IFRD2: variants seen among roughly 807,000 people sequenced by gnomAD.
The protein encoded by IFRD2 is interferon-related developmental regulator 2.
A neutral mutation model predicts 49.2 loss-of-function variants in IFRD2; 35 were observed. The ratio of observed to expected loss-of-function variants is 0.71; its 90% CI spans 0.54 to 0.94. The LOEUF (loss-of-function observed/expected upper bound fraction) is 0.94. IFRD2 is among the 40% of genes least tolerant of loss of function. The probability of loss-of-function intolerance (pLI) is 0.00; values close to 1 mark genes in which losing one functional copy is unlikely to be tolerated. For missense variants in IFRD2, 561 were observed against 591.6 expected (o/e 0.95, Z 0.54); for synonymous variants, 275 against 239.7 (o/e 1.15, Z -1.36).
At position 50,288,072 on chromosome 3, in the gene IFRD2, T is replaced by C; in HGVS notation, c.*119A>G. On this transcript the variant is annotated 3_prime_UTR_variant, in exon 12 of 12. Coordinates refer to ENST00000417626, the MANE Select transcript of IFRD2 (RefSeq NM_006764.5). ...CAGCTACCCACCCCATGTCTGTTTT[T>C]GGTTTTGTCATTAAAAAAAATAAAG... 2.1e-6 allele frequency: 2 copies of C among 944,216 alleles called. No individual in the cohort carries two copies. The highest frequency in any genetic ancestry group is 3.3e-6 in the Non-Finnish European group (2 of 609,674). The allele number at this position is 944,216 out of a possible 1,614,324, so 58.5% of individuals were successfully genotyped here.
chr3:50,290,593 T>C lies in IFRD2; in HGVS notation c.145A>G (p.Ser49Gly). 6.2e-7 allele frequency: 1 copy of C among 1,613,928 alleles called. No individual in the cohort carries two copies. Among genetic ancestry groups the C allele is most frequent in the Non-Finnish European group, 8.5e-7 (1 of 1,179,874 alleles). The change falls in exon 2 of 12, where the codon AGC becomes GGC. Residue 49 changes from serine to glycine, a missense_variant. Physicochemically the swap from Ser to Gly is moderately conservative, Grantham distance 56. Coordinates refer to ENST00000417626, the MANE Select transcript of IFRD2 (RefSeq NM_006764.5). ...TCCTCTGCAGTGGTGCTGAGAAGGC[T>C]GGGGCATTCACTGGCGGTGCTGCGG... ...EARSTASECP[S>G]LLSTTAEDSL... is the part of the protein sequence containing the mutation.
chr3:50,289,989 C>T lies in IFRD2; in HGVS notation c.486G>A (p.Leu162=). The T allele has an allele frequency of 1.9e-6, 3 of 1,612,858 alleles. No homozygotes were observed. The highest frequency in any genetic ancestry group is 2.5e-6 in the Non-Finnish European group (3 of 1,179,528). ...TGAGCACAGAGACCAGCAGAGGCTGCAGGCTGTGAAACAGCTCCTCACCCT... is the reference window on the plus strand; with the variant it reads ...TGAGCACAGAGACCAGCAGAGGCTGTAGGCTGTGAAACAGCTCCTCACCCT... ...GPKGEELFHS[L]QPLLVSVLSD... is the part of the protein sequence containing the mutation. Residue 162 remains leucine, a synonymous_variant, in exon 5 of 12, where the codon CTG becomes CTA. Coordinates refer to ENST00000417626, the MANE Select transcript of IFRD2 (RefSeq NM_006764.5).
Position 50,288,410 on chromosome 3 carries a change from T to C in IFRD2, c.1247A>G (p.Lys416Arg). The change falls in exon 11 of 12, where the codon AAG becomes AGG. Residue 416 changes from lysine (K) to arginine (R), a missense_variant and splice_region_variant. Coordinates refer to ENST00000417626, the MANE Select transcript of IFRD2 (RefSeq NM_006764.5). ...AGAAAGGTGCCCAAGGGTGCAAACC[T>C]TCTCAAAGCGTGGAACCTTGCAGGC... is the stretch of plus-strand genomic sequence containing the variant. The part of the protein sequence containing the change: ...LKACKVPRFE[K>R]HLYNAAAFKA... 1 of 1,612,340 alleles carries C rather than the reference T, an allele frequency of 6.2e-7. No individual in the cohort carries two copies. Among genetic ancestry groups the C allele is most frequent in the Non-Finnish European group, 8.5e-7 (1 of 1,179,134 alleles).
chr3:50,288,844 G>A lies in IFRD2; in HGVS notation c.979C>T (p.Arg327Trp), dbSNP rs781872999. 38 of 1,613,328 alleles carry A rather than the reference G, an allele frequency of 2.4e-5. No homozygotes were observed. Among genetic ancestry groups the A allele is most frequent in the Admixed American group, 8.3e-5 (5 of 59,908 alleles). ...GCGCGGAAAGTAGAGCGCTGGCGCC[G>A]ACGATCAGCCTTGGCACGGTACTTG... ...SNKYRAKADR[R>W]RQRSTFRAVL... The change falls in exon 9 of 12, where the codon CGG becomes TGG. Residue 327 changes from arginine (R) to tryptophan (W), a missense_variant. Transcript: ENST00000417626.
chr3:50,289,404 TC>T, intron 7 of IFRD2, 42 bp downstream of exon 7: 1 of 1,568,992 alleles, frequency 6.4e-7, no homozygotes, highest in Non-Finnish European at 8.6e-7. Context: ...CTTGGGGGCC[TC>T]TTTGAGATCC....
chr3:50,290,805 CA>C, intron 1 of IFRD2, 126 bp from the exon 2 acceptor site: 1 of 1,287,508 alleles, frequency 7.8e-7, no homozygotes, highest in Non-Finnish European at 1.1e-6. Flanking sequence ...AAACCAAAGC[CA>C]AGGGTCAGTT....
In IFRD2 at chr3:50,288,207, C is replaced by T. The variant is rs2229648; in HGVS notation, c.1313G>A (p.Arg438Gln). Reference protein sequence around the residue: ...TKARSRVRDKRADIL With the variant: ...TKARSRVRDKQADIL ...GGTCCTGCTTCACAGGATGTCTGCC[C>T]GCTTGTCCCGCACACGGCTTCGAGC... Residue 438 changes from arginine (R) to glutamine (Q), a missense_variant, in exon 12 of 12, where the codon CGG becomes CAG. Arg to Gln is a conservative substitution (Grantham distance 43). Coordinates refer to ENST00000417626, the MANE Select transcript of IFRD2 (RefSeq NM_006764.5). 3.9e-3 allele frequency: 6,218 copies of T among 1,613,712 alleles called. 234 individuals carry two copies. The African/African-American group carries it at 0.074, about 19-fold the overall frequency.
intron 8 of IFRD2, 87 bp downstream of exon 8, chr3:50,289,168 C>G: frequency 7.9e-7 from 1 of 1,272,558 alleles, no homozygotes; most frequent in Non-Finnish European, 1.1e-6. Context: ...TGACCTAAAG[C>G]TGTTCTGTTT....
chr3:50,290,602 CA>C lies in IFRD2; in HGVS notation c.135del (p.Ser45ArgfsTer33). 6.2e-7 allele frequency: 1 copy of C among 1,614,034 alleles called. No homozygotes were observed. Among genetic ancestry groups the C allele is most frequent in the Non-Finnish European group, 8.5e-7 (1 of 1,179,902 alleles). ...GTGGTGCTGAGAAGGCTGGGGCATT[CA>C]CTGGCGGTGCTGCGGGCCTCACTGG... ...EAASEARSTASECPSLLSTTA... is the reference protein window; with the variant it reads ...EAASEARSTAXECPSLLSTTA... On this transcript the variant is annotated frameshift_variant, in exon 2 of 12. Transcript: ENST00000417626. LOFTEE classifies it high-confidence loss of function.
chr3:50,292,314 G>A lies in IFRD2; in HGVS notation c.-40C>T, dbSNP rs782777552. ...GCGGGGGGCGCGGGGTCAGGGACCCGGTGGGTGTGGGCTCCAGGCCAACGA... is the reference window on the plus strand; with the variant it reads ...GCGGGGGGCGCGGGGTCAGGGACCCAGTGGGTGTGGGCTCCAGGCCAACGA... On this transcript the variant is annotated 5_prime_UTR_variant, in exon 1 of 12. Coordinates refer to ENST00000417626, the MANE Select transcript of IFRD2 (RefSeq NM_006764.5). 17 of 1,564,920 alleles carry A rather than the reference G, an allele frequency of 1.1e-5. No individual in the cohort carries two copies. The Admixed American group carries it at 1.1e-4, about 10-fold the overall frequency.
At position 50,290,031 on chromosome 3, in the gene IFRD2, C is replaced by A; in HGVS notation, c.444G>T (p.Gln148His). The change falls in exon 5 of 12, where the codon CAG becomes CAT. Residue 148 changes from glutamine (Q) to histidine (H), a missense_variant. Gln to His is a conservative substitution (Grantham distance 24, BLOSUM62 0). Transcript: ENST00000417626. ...CCTCACCCTTAGGTCCAGGGCCCAG[C>A]TGCACGCAGAGCAGGCCTAGCACAG... ...AAAVLGLLCVQLGPGPKGEEL... is the reference protein window; with the variant it reads ...AAAVLGLLCVHLGPGPKGEEL... The A allele has an allele frequency of 6.2e-7, 1 of 1,613,594 alleles. No individual in the cohort carries two copies. Among genetic ancestry groups the A allele is most frequent in the Non-Finnish European group, 8.5e-7 (1 of 1,179,764 alleles).
rs1575492651 is a variant in IFRD2 at position 50,292,261 on chromosome 3, C to T, written c.14G>A (p.Arg5His). ...ACCCTTCCGGAGCGTGTTGCCCTTA[C>T]GGGCGCGAGGCATGCCGGGAACCGG... is the stretch of plus-strand genomic sequence containing the variant. MPRA[R>H]KGNTLRKGGQ... is the part of the protein sequence containing the mutation. Residue 5 changes from arginine (R) to histidine (H), a missense_variant, in exon 1 of 12, where the codon CGT (arginine) becomes CAT (histidine). Physicochemically the swap from Arg to His is conservative, Grantham distance 29. Transcript: ENST00000417626. 2 of 1,536,116 alleles carry T rather than the reference C, an allele frequency of 1.3e-6. No individual in the cohort carries two copies. The highest frequency in any genetic ancestry group is 1.7e-6 in the Non-Finnish European group (2 of 1,145,450).
At chr3:50,291,892 A>C in intron 1 of IFRD2, 1 of 345,104 alleles carries the variant, frequency 2.9e-6, no homozygotes. Context: ...CAGTCCAGGA[A>C]AGGATCAGGG....
chr3:50,292,086 G>T, intron 1 of IFRD2, 131 bp downstream of exon 1: 1 of 999,274 alleles, frequency 1.0e-6, no homozygotes, highest in Non-Finnish European at 1.4e-6. Flanking sequence ...AGCCTCGGTA[G>T]AGTTATGGGA....
rs1701590868 is a variant in IFRD2, at chr3:50,288,094, AAAGT to A, written c.*93_*96del. 39 of 1,143,102 alleles carry A rather than the reference AAAGT, an allele frequency of 3.4e-5. No homozygotes were observed. The highest frequency in any genetic ancestry group is 4.9e-5 in the Non-Finnish European group (38 of 782,796). 70.8% of individuals were successfully genotyped at this position (1,143,102 alleles called of 1,614,324 possible). ...TTTTGGTTTTGTCATTAAAAAAAAT[AAAGT>A]GACAAATACTGGTGGAGACCAGTTG... On this transcript the variant is annotated 3_prime_UTR_variant, in exon 12 of 12. Coordinates refer to ENST00000417626, the MANE Select transcript of IFRD2 (RefSeq NM_006764.5).
chr3:50,288,761 G>T (rs1046462853), intron 9 of IFRD2, 39 bp downstream of exon 9: 2 of 1,612,196 alleles, frequency 1.2e-6, no homozygotes, highest in South Asian at 2.2e-5. Flanking sequence ...TATGCCTGGG[G>T]GTGCACCCTT....
chr3:50,288,103 A>C lies in IFRD2; in HGVS notation c.*88T>G. 1 of 1,195,976 alleles carries C rather than the reference A, an allele frequency of 8.4e-7. No homozygotes were observed. The highest frequency in any genetic ancestry group is 1.2e-6 in the Non-Finnish European group (1 of 825,522). 74.1% of individuals were successfully genotyped at this position (1,195,976 alleles called of 1,614,324 possible). A position where few individuals can be genotyped will look rare whatever the true frequency, so the allele number is the denominator to read the frequency against. Reference sequence around the variant, plus strand: ...TGTCATTAAAAAAAATAAAGTGACAAATACTGGTGGAGACCAGTTGTTGCA... The same window carrying C: ...TGTCATTAAAAAAAATAAAGTGACACATACTGGTGGAGACCAGTTGTTGCA... On this transcript the variant is annotated 3_prime_UTR_variant, in exon 12 of 12. Coordinates refer to ENST00000417626, the MANE Select transcript of IFRD2 (RefSeq NM_006764.5).
rs1225785198 is a variant in IFRD2 at position 50,292,287 on chromosome 3, G to C, written c.-13C>G. 1 of 1,548,094 alleles carries C rather than the reference G, an allele frequency of 6.5e-7. No homozygotes were observed. The highest frequency in any genetic ancestry group is 8.7e-7 in the Non-Finnish European group (1 of 1,151,280). ...GGGCGCGAGGCATGCCGGGAACCGG[G>C]CGCGGGGGGCGCGGGGTCAGGGACC... On this transcript the variant is annotated 5_prime_UTR_variant, in exon 1 of 12. Coordinates refer to ENST00000417626, the MANE Select transcript of IFRD2 (RefSeq NM_006764.5).
Position 50,290,628 on chromosome 3 carries a change from G to A in IFRD2, c.110C>T (p.Ala37Val), listed in dbSNP as rs782423769. 5 of 1,613,950 alleles carry A rather than the reference G, an allele frequency of 3.1e-6. No individual in the cohort carries two copies. The highest frequency in any genetic ancestry group is 4.2e-6 in the Non-Finnish European group (5 of 1,179,874). Residue 37 changes from alanine to valine, a missense_variant, in exon 2 of 12, where the codon GCC (alanine) becomes GTC (valine). Ala to Val is a moderately conservative substitution (Grantham distance 64). Coordinates refer to ENST00000417626, the MANE Select transcript of IFRD2 (RefSeq NM_006764.5). ...ACTGGCGGTGCTGCGGGCCTCACTG[G>A]CTGCCTCATCGTCACTGGAACCCGA... Reference protein sequence around the residue: ...ADSGSSDDEAASEARSTASEC... With the variant: ...ADSGSSDDEAVSEARSTASEC...
Sources: allele counts gnomAD v4.1 joint callset, GRCh38; gene constraint gnomAD v4.1.1; transcripts MANE v1.5; gene names NCBI Gene and HGNC (gene_info 2026-07-23, HGNC 2026-07-21).